Variants in POLM observed in about 807,000 individuals in gnomAD.
POLM encodes DNA-directed DNA/RNA polymerase mu.
In POLM, 52 loss-of-function variants were observed where a neutral mutation model predicts 56.7. The observed-to-expected ratio is 0.92, with a 90% CI of 0.73 to 1.15. The LOEUF is 1.15. POLM is among the 50% of genes most tolerant of loss of function. The probability of loss-of-function intolerance (pLI) is 0.00; values close to 1 mark genes in which losing one functional copy is unlikely to be tolerated. For missense variants in POLM, 660 were observed against 663.6 expected (o/e 0.99, Z 0.06); for synonymous variants, 273 against 274.3 (o/e 1.00, Z 0.05).
rs929417492 is a variant in POLM at position 44,081,711 on chromosome 7, T to C, written c.188+540A>G. Among the ~76,000 whole-genome samples, 12 of 151,532 alleles carry C rather than the reference T, an allele frequency of 7.9e-5. No homozygotes were observed. In the South Asian group the frequency reaches 8.3e-4, roughly 10 times the overall value. On this transcript the variant is annotated intron_variant, in intron 1 of 10. Transcript: ENST00000242248. ...GTCAGTCTCGCTCACAGGTGGGACA[T>C]AGCCCAGGCAGAAGGGCTGTTAGCA...
chr7:44,076,577 C>T lies in POLM; in HGVS notation c.767G>A (p.Arg256Gln), dbSNP rs201804282. ...VGVKTADRWY[R>Q]EGLRTLDDLR... is the part of the protein sequence containing the mutation. Reference sequence around the variant, plus strand: ...GTCATCTAAGGTTCGCAGTCCTTCCCGGTACCACCGGTCAGCAGTCTTCAC... The same window carrying T: ...GTCATCTAAGGTTCGCAGTCCTTCCTGGTACCACCGGTCAGCAGTCTTCAC... The change falls in exon 6 of 11, where the codon CGG (arginine) becomes CAG (glutamine). Residue 256 changes from arginine to glutamine, a missense_variant. Arg to Gln is a conservative substitution (Grantham distance 43). Coordinates refer to ENST00000242248, the MANE Select transcript of POLM (RefSeq NM_013284.4). 19 of 1,613,966 alleles carry T rather than the reference C, an allele frequency of 1.2e-5. No individual in the cohort carries two copies. Among genetic ancestry groups the T allele is most frequent in the Non-Finnish European group, 1.6e-5 (19 of 1,180,010 alleles).
chr7:44,073,400 G>A lies in POLM; in HGVS notation c.1399-23C>T, dbSNP rs112097694. 702 of 1,611,796 alleles carry A rather than the reference G, an allele frequency of 4.4e-4. 3 individuals are homozygous for A. In the African/African-American group the frequency reaches 7.0e-3, roughly 16 times the overall value. On this transcript the variant is annotated intron_variant, in intron 10 of 10. Coordinates refer to ENST00000242248, the MANE Select transcript of POLM (RefSeq NM_013284.4). ...CTTCTGCAACAGAAGCAGGACTTCC[G>A]TGACCTAGGAGTCTTGCCACTGCTG...
chr7:44,078,012 G>C (rs541462004), intron 5 of POLM, among the ~76,000 whole-genome samples: 4 of 152,354 alleles, frequency 2.6e-5, no homozygotes, highest in African/African-American at 9.6e-5. Context: ...CATGGAAACA[G>C]GCAGGCTGAC....
chr7:44,073,280 C>A lies in POLM; in HGVS notation c.*11G>T. ...CAATTTCCTGAGTGGAAGTGGGGGA[C>A]ACAGGCAGGCTCAGGCGTTTCTCTG... On this transcript the variant is annotated 3_prime_UTR_variant, in exon 11 of 11. Coordinates refer to ENST00000242248, the MANE Select transcript of POLM (RefSeq NM_013284.4). The A allele has an allele frequency of 6.2e-7, 1 of 1,614,180 alleles. No individual in the cohort carries two copies. The highest frequency in any genetic ancestry group is 8.5e-7 in the Non-Finnish European group (1 of 1,180,008).
chr7:44,081,187 A>T lies in POLM; in HGVS notation c.189-271T>A, dbSNP rs556107273. Among the ~76,000 whole-genome samples, 80 of 152,276 alleles carry T rather than the reference A, an allele frequency of 5.3e-4. 1 individual carries two copies. Among genetic ancestry groups the T allele is most frequent in the Middle Eastern group, 6.8e-3 (2 of 294 alleles). ...CTCCCTCCCTCTTCACCTCAAAGAA[A>T]GGAATTCCTTAGGGTCAGGACCAGG... On this transcript the variant is annotated intron_variant, in intron 1 of 10. Coordinates refer to ENST00000242248, the MANE Select transcript of POLM (RefSeq NM_013284.4).
At chr7:44,076,319 G>T in intron 6 of POLM, 190 bp downstream of exon 6, 1 of 606,476 alleles carries the variant, frequency 1.6e-6, no homozygotes, top group Non-Finnish European at 2.8e-6. Flanking sequence ...GCTGTGGTCA[G>T]CATCGTCCAC....
Position 44,079,685 on chromosome 7 carries a change from G to A in POLM, c.528C>T (p.Leu176=). The A allele has an allele frequency of 1.2e-6, 2 of 1,613,204 alleles. No individual in the cohort carries two copies. Among genetic ancestry groups the A allele is most frequent in the Non-Finnish European group, 1.7e-6 (2 of 1,179,632 alleles). The change falls in exon 4 of 11, where the codon CTC becomes CTT. Residue 176 remains leucine (L), a synonymous_variant. Transcript: ENST00000242248. The stretch of plus-strand genomic sequence containing the variant: ...CCGAGGCTGCTCTGCAGAAGGTGAG[G>A]AGGCGGCCCTCACTGCCTTCAAAGC... The part of the protein sequence containing the change: ...AAGFEGSEGR[L]LTFCRAASVL...
chr7:44,077,656 C>T (rs543216574), intron 5 of POLM, among the ~76,000 whole-genome samples: 25 of 152,216 alleles, frequency 1.6e-4, no homozygotes, highest in Non-Finnish European at 2.8e-4. Context: ...CACTCCCACA[C>T]TCACCACGGT....
rs1308419851 is a variant in POLM at position 44,073,624 on chromosome 7, C to G, written c.1398+1G>C. 16 of 1,614,020 alleles carry G rather than the reference C, an allele frequency of 9.9e-6. No homozygotes were observed. The highest frequency in any genetic ancestry group is 1.3e-5 in the African/African-American group (1 of 75,034). ...GCTGTCCCCAGTCCCCAACAATGTA[C>G]CTGCTCCGGGTCAAACAGCCCATGG... On this transcript the variant is annotated splice_donor_variant, in intron 10 of 10. Transcript: ENST00000242248. LOFTEE classifies it high-confidence loss of function.
intron 5 of POLM, 173 bp downstream of exon 5, chr7:44,078,567 G>A (rs1357409208): frequency 5.1e-6 from 3 of 590,856 alleles, no homozygotes; most frequent in Non-Finnish European, 9.1e-6. Context: ...TCTCCACTTG[G>A]CTGCCTTGTG....
chr7:44,078,101 G>A (rs1425784796), intron 5 of POLM, among the ~76,000 whole-genome samples: 1 of 152,220 alleles, frequency 6.6e-6, no homozygotes, highest in African/African-American at 2.4e-5. Context: ...CAGCACCCAA[G>A]GGTACATTTG....
intron 4 of POLM, 148 bp downstream of exon 4, chr7:44,079,423 G>A (rs748956194): frequency 8.0e-5 from 56 of 700,776 alleles, no homozygotes; most frequent in Admixed American, 1.3e-4. Context: ...GAATCTGAGC[G>A]CAGAGGGTGG....
chr7:44,075,192 G>A (rs1366042685), intron 6 of POLM, among the ~76,000 whole-genome samples: 19 of 152,096 alleles, frequency 1.2e-4, no homozygotes, highest in African/African-American at 1.7e-4. Context: ...CTGAGATTAC[G>A]GGTGTCTGCC....
chr7:44,082,298 G>C lies in POLM; in HGVS notation c.141C>G (p.Leu47=). Residue 47 remains leucine (L), a synonymous_variant, in exon 1 of 11, where the codon CTC becomes CTG. Coordinates refer to ENST00000242248, the MANE Select transcript of POLM (RefSeq NM_013284.4). ...AGCCTTTGGAGCGCGCCAGGCCTGTGAGGAAGGCCCGGCGGCTGCGACCCA... is the reference window on the plus strand; with the variant it reads ...AGCCTTTGGAGCGCGCCAGGCCTGTCAGGAAGGCCCGGCGGCTGCGACCCA... The part of the protein sequence containing the change: ...PRMGRSRRAF[L]TGLARSKGFR... 6.4e-7 allele frequency: 1 copy of C among 1,553,916 alleles called. No individual in the cohort carries two copies.
At chr7:44,076,363 G>A in intron 6 of POLM, 146 bp downstream of exon 6, 1 of 922,870 alleles carries the variant, frequency 1.1e-6, no homozygotes, top group Non-Finnish European at 1.6e-6. Context: ...TGACTGCACT[G>A]GGTGGAGACC....
At chr7:44,074,358 G>C (rs767409422) in intron 7 of POLM, 40 bp downstream of exon 7, 1 of 1,550,466 alleles carries the variant, frequency 6.4e-7, no homozygotes, top group Non-Finnish European at 8.7e-7. Context: ...CTGGGGAGGG[G>C]TCTGAAGCCA....
chr7:44,079,792 CACCT>C, intron 3 of POLM, 51 bp from the exon 4 acceptor site: 1 of 1,609,942 alleles, frequency 6.2e-7, no homozygotes, highest in East Asian at 2.2e-5. Context: ...TCCAATCCCC[CACCT>C]ACCACCCATC....
In POLM at chr7:44,073,390, C is replaced by G; in HGVS notation, c.1399-13G>C. The G allele has an allele frequency of 6.2e-7, 1 of 1,612,654 alleles. No homozygotes were observed. Among genetic ancestry groups the G allele is most frequent in the Non-Finnish European group, 8.5e-7 (1 of 1,179,498 alleles). On this transcript the variant is annotated splice_polypyrimidine_tract_variant and intron_variant, in intron 10 of 10. Transcript: ENST00000242248. ...GGAAAAATGTCTTCTGCAACAGAAGCAGGACTTCCGTGACCTAGGAGTCTT... is the reference window on the plus strand; with the variant it reads ...GGAAAAATGTCTTCTGCAACAGAAGGAGGACTTCCGTGACCTAGGAGTCTT...
intron 5 of POLM, among the ~76,000 whole-genome samples, chr7:44,077,630 T>G (rs2096187316): frequency 6.6e-6 from 1 of 152,174 alleles, no homozygotes; most frequent in Non-Finnish European, 1.5e-5. Flanking sequence ...GGGGATTTCA[T>G]CATCTTCAGG....
Sources: allele counts gnomAD v4.1 joint callset (sites outside exome capture counted in the v4.1 genomes callset), GRCh38; gene constraint gnomAD v4.1.1; transcripts MANE v1.5; gene names NCBI Gene and HGNC (gene_info 2026-07-23, HGNC 2026-07-21).